The following ADCY2 variants were observed in gnomAD, a reference collection of about 807,000 sequenced individuals.
The protein encoded by ADCY2 is adenylate cyclase 2, also known as adenylate cyclase type 2.
ADCY2 carries 31 observed loss-of-function variants against 125.2 expected under a neutral mutation model. That is an observed-to-expected ratio of 0.25 (90% CI 0.19 to 0.33). The LOEUF (loss-of-function observed/expected upper bound fraction) is 0.33, where lower values mean the gene tolerates loss of function less well. ADCY2 is among the 10% of genes least tolerant of loss of function. ADCY2 has a pLI of 1.00. For missense variants in ADCY2, 904 were observed against 1,418.2 expected (o/e 0.64, Z 5.82); for synonymous variants, 512 against 548.4 (o/e 0.93, Z 0.93).
At chr5:7,660,844 C>T (rs1002797609) in intron 4 of ADCY2, among the ~76,000 whole-genome samples, 5 of 152,060 alleles carry the variant, frequency 3.3e-5, no homozygotes, top group Admixed American at 1.3e-4. Context: ...AACAACTGGG[C>T]ACAATGGCCT....
chr5:7,498,469 C>T (rs1373202359), intron 2 of ADCY2, among the ~76,000 whole-genome samples: 2 of 151,812 alleles, frequency 1.3e-5, no homozygotes, highest in Non-Finnish European at 2.9e-5. Flanking sequence ...AGGATGGTCT[C>T]GATCTCCTGA....
intron 2 of ADCY2, among the ~76,000 whole-genome samples, chr5:7,461,341 A>C (rs1191330405): frequency 6.6e-6 from 1 of 152,240 alleles, no homozygotes; most frequent in Non-Finnish European, 1.5e-5. Context: ...ACTGGAGGCA[A>C]CTGGCAAGCT....
chr5:7,584,522 A>T (rs73048171), intron 3 of ADCY2, among the ~76,000 whole-genome samples: 4,277 of 152,202 alleles, frequency 0.028, 190 homozygotes, highest in African/African-American at 0.097. Flanking sequence ...AAAAGAAGAA[A>T]GTATAGACAC....
intron 4 of ADCY2, among the ~76,000 whole-genome samples, chr5:7,688,897 G>T (rs576630048): frequency 5.8e-4 from 88 of 152,212 alleles, no homozygotes; most frequent in African/African-American, 2.1e-3. Context: ...GTTTCCCAAA[G>T]GTCTAACCAT....
At chr5:7,824,910 T>G (rs1380194466) in intron 24 of ADCY2, among the ~76,000 whole-genome samples, 2 of 152,184 alleles carry the variant, frequency 1.3e-5, no homozygotes, top group Admixed American at 6.5e-5. Flanking sequence ...TCAAGGCCTT[T>G]CTTAGTCTCC....
At chr5:7,422,212 T>G (rs756963121) in intron 2 of ADCY2, among the ~76,000 whole-genome samples, 2 of 152,164 alleles carry the variant, frequency 1.3e-5, no homozygotes, top group Non-Finnish European at 2.9e-5. Context: ...TTTCTTTCTT[T>G]TTTTTTTAAT....
At chr5:7,481,772 T>TTGTGTG (rs35724998) in intron 2 of ADCY2, among the ~76,000 whole-genome samples, 3 of 149,842 alleles carry the variant, frequency 2.0e-5, no homozygotes, top group Admixed American at 6.7e-5. Context: ...CCATGCTGAT[T>TTGTGTG]TGTGTGTGTG....
chr5:7,785,151 T>A (rs902827219), intron 19 of ADCY2, among the ~76,000 whole-genome samples: 5 of 152,216 alleles, frequency 3.3e-5, no homozygotes, highest in Non-Finnish European at 7.3e-5. Context: ...CAGTGATTTA[T>A]GTATTTGGAA....
intron 3 of ADCY2, among the ~76,000 whole-genome samples, chr5:7,544,914 A>G (rs1384854902): frequency 6.6e-6 from 1 of 152,164 alleles, no homozygotes; most frequent in Admixed American, 6.5e-5. Flanking sequence ...AGCACAAGGA[A>G]CCCTGAGTGT....
chr5:7,785,064 A>G (rs1428066717), intron 19 of ADCY2, among the ~76,000 whole-genome samples: 3 of 152,226 alleles, frequency 2.0e-5, no homozygotes, highest in South Asian at 2.1e-4. Flanking sequence ...TACAAGACTC[A>G]TCTGAAGCCA....
chr5:7,713,945 A>T (rs1283634954), intron 11 of ADCY2, among the ~76,000 whole-genome samples: 3 of 152,330 alleles, frequency 2.0e-5, no homozygotes, highest in Non-Finnish European at 2.9e-5. Flanking sequence ...CATAGGTTGT[A>T]ACCTGCTGAA....
intron 2 of ADCY2, among the ~76,000 whole-genome samples, chr5:7,462,923 G>C (rs1561039388): frequency 6.6e-6 from 1 of 152,188 alleles, no homozygotes; most frequent in Non-Finnish European, 1.5e-5. Flanking sequence ...GAGCAGATGA[G>C]ACCTCCCTAG....
intron 3 of ADCY2, among the ~76,000 whole-genome samples, chr5:7,570,986 G>T (rs1206285258): frequency 2.0e-5 from 3 of 152,080 alleles, no homozygotes; most frequent in Admixed American, 2.0e-4. Flanking sequence ...TCAGAAATAG[G>T]CTTTGCTGAT....
At chr5:7,580,627 A>G (rs1736399349) in intron 3 of ADCY2, among the ~76,000 whole-genome samples, 1 of 152,232 alleles carries the variant, frequency 6.6e-6, no homozygotes, top group South Asian at 2.1e-4. Flanking sequence ...TAATGGAGTC[A>G]CAGAAAAGGA....
chr5:7,660,909 A>G (rs1739506751), intron 4 of ADCY2, among the ~76,000 whole-genome samples: 2 of 152,228 alleles, frequency 1.3e-5, no homozygotes, highest in Non-Finnish European at 2.9e-5. Flanking sequence ...AAGGGTAGCT[A>G]TGGGAGGTGA....
At chr5:7,769,509 A>C (rs1337802506) in intron 17 of ADCY2, among the ~76,000 whole-genome samples, 1 of 152,220 alleles carries the variant, frequency 6.6e-6, no homozygotes, top group African/African-American at 2.4e-5. Context: ...AATAATGAAT[A>C]GTGGCTAAAG....
At chr5:7,541,124 CAAGTGATTCT>C (rs1734981795) in intron 3 of ADCY2, among the ~76,000 whole-genome samples, 1 of 152,142 alleles carries the variant, frequency 6.6e-6, no homozygotes. Context: ...ATGAAATAAG[CAAGTGATTCT>C]AAGTGACTTA....
At position 7,550,016 on chromosome 5, in the gene ADCY2, T is replaced by C. The variant is rs561551254; in HGVS notation, c.570+29117T>C. Among the ~76,000 whole-genome samples, 3 of 152,256 alleles carry C rather than the reference T, an allele frequency of 2.0e-5. No homozygotes were observed. The East Asian group carries it at 5.8e-4, about 29-fold the overall frequency. The stretch of plus-strand genomic sequence containing the variant: ...GGCTGCTGTGTCTCTCCACTTGGTT[T>C]TCCTGGGACCCCAGGGATATTTTGC... On this transcript the variant is annotated intron_variant, in intron 3 of 24. Transcript: ENST00000338316.
intron 2 of ADCY2, among the ~76,000 whole-genome samples, chr5:7,429,548 A>G (rs867478302): frequency 6.6e-6 from 1 of 152,238 alleles, no homozygotes; most frequent in African/African-American, 2.4e-5. Flanking sequence ...AAGGGTTGTT[A>G]TGATACAAAG....
Sources: gnomAD v4.1 joint callset for allele counts (sites outside exome capture counted in the v4.1 genomes callset) on GRCh38, gnomAD v4.1.1 for gene constraint, MANE v1.5 for transcripts, NCBI Gene and HGNC (gene_info 2026-07-23, HGNC 2026-07-21) for gene names.